Variants in CFAP58 observed in about 807,000 individuals in gnomAD.
CFAP58 encodes cilia- and flagella-associated protein 58.
CFAP58 carries 88 observed loss-of-function variants against 119.5 expected under a neutral mutation model. That is an observed-to-expected ratio of 0.74 (90% CI 0.62 to 0.88). The LOEUF is 0.88. Ranked by LOEUF, CFAP58 falls within the 40% of genes least tolerant of loss-of-function variation. The probability of loss-of-function intolerance (pLI) is 0.00; values close to 1 mark genes in which losing one functional copy is unlikely to be tolerated. For missense variants in CFAP58, 990 were observed against 1,021.2 expected, an observed-to-expected ratio of 0.97 and a Z score of 0.42; for synonymous variants, 365 against 366.3, an observed-to-expected ratio of 1.00 and a Z score of 0.04.
At chr10:104,387,889 A>T (rs1045521363) in intron 9 of CFAP58, among the ~76,000 whole-genome samples, 1 of 152,188 alleles carries the variant, frequency 6.6e-6, no homozygotes, top group Admixed American at 6.5e-5. Context: ...CAAATTTCCT[A>T]GCTCTTTGCT....
At chr10:104,386,651 G>A (rs1440719701) in intron 9 of CFAP58, among the ~76,000 whole-genome samples, 1 of 151,996 alleles carries the variant, frequency 6.6e-6, no homozygotes, top group Non-Finnish European at 1.5e-5. Context: ...GCTTCTTGGG[G>A]GCGAGTCTTA....
the CFAP58 span, among the ~76,000 whole-genome samples, chr10:104,348,147 G>A: frequency 3.9e-5 from 6 of 152,296 alleles, no homozygotes; most frequent in South Asian, 1.0e-3. Context: ...AGAGAGGGAC[G>A]TAATTCTGGG....
the CFAP58 span, among the ~76,000 whole-genome samples, chr10:104,346,691 AGTG>A: frequency 7.5e-6 from 1 of 133,992 alleles, no homozygotes; most frequent in Non-Finnish European, 1.5e-5. Context: ...GCTGGAGTGC[AGTG>A]GTGCGATCTT....
At chr10:104,341,293 A>G in the CFAP58 span, among the ~76,000 whole-genome samples, 3 of 151,822 alleles carry the variant, frequency 2.0e-5, no homozygotes, top group Non-Finnish European at 4.4e-5. Flanking sequence ...CATTAAGCTT[A>G]TAATAAAAAA....
intron 1 of CFAP58, among the ~76,000 whole-genome samples, chr10:104,357,962 T>C (rs1198510266): frequency 9.3e-6 from 1 of 107,016 alleles, no homozygotes; most frequent in African/African-American, 6.4e-5. Flanking sequence ...TATACACATA[T>C]ATGTACACAT....
intron 17 of CFAP58, among the ~76,000 whole-genome samples, chr10:104,450,411 G>C (rs530241303): frequency 6.6e-6 from 1 of 152,292 alleles, no homozygotes; most frequent in East Asian, 1.9e-4. Flanking sequence ...GATTCTAACA[G>C]GGATCCATTA....
chr10:104,408,744 C>G (rs1378396119), intron 15 of CFAP58, among the ~76,000 whole-genome samples: 1 of 152,118 alleles, frequency 6.6e-6, no homozygotes, highest in Admixed American at 6.5e-5. Context: ...TAATGCTCAG[C>G]TCATCAATGT....
intron 3 of CFAP58, among the ~76,000 whole-genome samples, chr10:104,364,088 T>C (rs887692091): frequency 5.3e-5 from 8 of 152,230 alleles, no homozygotes; most frequent in African/African-American, 9.6e-5. Context: ...TTGTTCTTTG[T>C]AACATTTTAT....
chr10:104,425,641 C>T (rs760351049), intron 15 of CFAP58, among the ~76,000 whole-genome samples: 9 of 152,186 alleles, frequency 5.9e-5, no homozygotes, highest in Non-Finnish European at 1.3e-4. Context: ...GATCAAGTAA[C>T]ATGGCTAAGG....
Position 104,362,029 on chromosome 10 carries a change from G to A in CFAP58, c.298G>A (p.Glu100Lys), listed in dbSNP as rs752406983. 5.0e-6 allele frequency: 8 copies of A among 1,613,054 alleles called. No individual in the cohort carries two copies. In the East Asian group the frequency reaches 1.8e-4, roughly 36 times the overall value. ...TATCCTATGGCCCATCTAGGAAATT[G>A]AAAAGGCCTGGAAGATGGTGGACTC... ...TTIASLKKEI[E>K]KAWKMVDSAY... The change falls in exon 3 of 18, where the codon GAA (glutamate) becomes AAA (lysine). Residue 100 changes from glutamate (E) to lysine (K), a missense_variant. Glu to Lys is a moderately conservative substitution (Grantham distance 56). Transcript: ENST00000369704.
chr10:104,383,509 G>A (rs748981456), intron 9 of CFAP58, among the ~76,000 whole-genome samples: 18 of 151,958 alleles, frequency 1.2e-4, no homozygotes, highest in Non-Finnish European at 2.1e-4. Flanking sequence ...AGAGAGATTC[G>A]GATACCAAGT....
In CFAP58 at chr10:104,393,336, T is replaced by G; in HGVS notation, c.1535T>G (p.Ile512Arg). The stretch of plus-strand genomic sequence containing the variant: ...CTCCTTTCATTTGGTTAGGATGAAA[T>G]AACAGATATGAAGAGAAAGTTAAAG... ...SKNLVEAQDE[I>R]TDMKRKLKIM... Residue 512 changes from isoleucine to arginine, a missense_variant, in exon 11 of 18, where the codon ATA (isoleucine) becomes AGA (arginine). By Grantham distance (97) the Ile-to-Arg change is moderately conservative. Transcript: ENST00000369704. 6.2e-7 allele frequency: 1 copy of G among 1,612,680 alleles called. No homozygotes were observed. Among genetic ancestry groups the G allele is most frequent in the Non-Finnish European group, 8.5e-7 (1 of 1,178,958 alleles).
upstream of CFAP58, among the ~76,000 whole-genome samples, chr10:104,350,595 A>G (rs2014448845): frequency 6.6e-6 from 1 of 152,068 alleles, no homozygotes; most frequent in Admixed American, 6.5e-5. Flanking sequence ...GCTCAGTCAT[A>G]TTTGGGTCTT....
At chr10:104,393,624 G>A in intron 11 of CFAP58, 149 bp downstream of exon 11, 1 of 680,126 alleles carries the variant, frequency 1.5e-6, no homozygotes, top group Non-Finnish European at 2.4e-6. Flanking sequence ...AGCACACAAG[G>A]CACCAGGAGG....
At chr10:104,451,250 G>T (rs2013191792) in intron 17 of CFAP58, among the ~76,000 whole-genome samples, 1 of 152,170 alleles carries the variant, frequency 6.6e-6, no homozygotes, top group Non-Finnish European at 1.5e-5. Flanking sequence ...CCTATGATTT[G>T]TTAGTAGCAA....
In CFAP58 at chr10:104,380,083, C is replaced by G; in HGVS notation, c.1228C>G (p.His410Asp). The G allele has an allele frequency of 6.2e-7, 1 of 1,614,048 alleles. No homozygotes were observed. The highest frequency in any genetic ancestry group is 1.1e-5 in the South Asian group (1 of 91,076). Residue 410 changes from histidine to aspartate, a missense_variant, in exon 9 of 18, where the codon CAT (histidine) becomes GAT (aspartate). Transcript: ENST00000369704. Reference protein sequence around the residue: ...TQKQTDLVKLHEQAKRNLEGE... With the variant: ...TQKQTDLVKLDEQAKRNLEGE... ...GAAGCAGACAGACTTGGTAAAGCTCCATGAACAAGCCAAGAGGAACCTGGA... is the reference window on the plus strand; with the variant it reads ...GAAGCAGACAGACTTGGTAAAGCTCGATGAACAAGCCAAGAGGAACCTGGA...
chr10:104,383,372 G>A (rs1365739723), intron 9 of CFAP58, among the ~76,000 whole-genome samples: 2 of 152,038 alleles, frequency 1.3e-5, no homozygotes, highest in African/African-American at 4.8e-5. Flanking sequence ...TTTATTTCTA[G>A]CATCCTGGCA....
the CFAP58 span, among the ~76,000 whole-genome samples, chr10:104,348,572 A>C: frequency 6.6e-6 from 1 of 152,136 alleles, no homozygotes; most frequent in African/African-American, 2.4e-5. Context: ...CTTCTCTTCT[A>C]TCCTTCCAAG....
At chr10:104,434,387 C>T (rs2012897218) in intron 15 of CFAP58, among the ~76,000 whole-genome samples, 1 of 152,152 alleles carries the variant, frequency 6.6e-6, no homozygotes, top group African/African-American at 2.4e-5. Context: ...ATTGTCTAGG[C>T]TGACTCTTGA....
Sources: gnomAD v4.1 joint callset for allele counts (sites outside exome capture counted in the v4.1 genomes callset) on GRCh38, gnomAD v4.1.1 for gene constraint, MANE v1.5 for transcripts, NCBI Gene and HGNC (gene_info 2026-07-23, HGNC 2026-07-21) for gene names.